The following PTPRD variants were observed in gnomAD, a reference collection of about 807,000 sequenced individuals.
PTPRD encodes the protein protein tyrosine phosphatase receptor type D, also known as receptor-type tyrosine-protein phosphatase delta.
In PTPRD, 34 loss-of-function variants were observed where a neutral mutation model predicts 214.5. The ratio of observed to expected loss-of-function variants is 0.16; its 90% confidence interval spans 0.12 to 0.21. The LOEUF (loss-of-function observed/expected upper bound fraction) is 0.21, where lower values mean the gene tolerates loss of function less well. Ranked by LOEUF, PTPRD falls within the 10% of genes least tolerant of loss-of-function variation. The pLI is 1.00. For missense variants in PTPRD, 2,545 were observed against 2,398.7 expected (o/e 1.06, Z -1.27); for synonymous variants, 1,128 against 845.7 (o/e 1.33, Z -5.79).
At chr9:9,259,545 T>C (rs1366237631) in intron 9 of PTPRD, among the ~76,000 whole-genome samples, 2 of 151,884 alleles carry the variant, frequency 1.3e-5, no homozygotes, top group Non-Finnish European at 2.9e-5. Context: ...AAATAGATGA[T>C]GCTTTATATA....
chr9:9,808,249 T>C (rs1357224556), intron 5 of PTPRD, among the ~76,000 whole-genome samples: 1 of 152,144 alleles, frequency 6.6e-6, no homozygotes, highest in African/African-American at 2.4e-5. Context: ...GATGAGCATT[T>C]CGAATTAAAT....
intron 8 of PTPRD, among the ~76,000 whole-genome samples, chr9:9,525,088 AC>A (rs1221010597): frequency 3.2e-4 from 48 of 152,150 alleles, no homozygotes; most frequent in African/African-American, 1.1e-3. Flanking sequence ...CGATCTCTTG[AC>A]CTCATGATCC....
intron 2 of PTPRD, among the ~76,000 whole-genome samples, chr9:10,585,606 T>C (rs1473587154): frequency 6.6e-6 from 1 of 152,072 alleles, no homozygotes; most frequent in African/African-American, 2.4e-5. Context: ...ATATGTAATG[T>C]TTTATACGTT....
At chr9:9,057,718 T>G (rs1305438923) in intron 10 of PTPRD, among the ~76,000 whole-genome samples, 2 of 152,256 alleles carry the variant, frequency 1.3e-5, no homozygotes, top group Non-Finnish European at 2.9e-5. Flanking sequence ...GCTGAGAATG[T>G]AGAAAACATC....
At chr9:8,995,042 C>T (rs1329997532) in intron 11 of PTPRD, among the ~76,000 whole-genome samples, 2 of 151,898 alleles carry the variant, frequency 1.3e-5, no homozygotes, top group Admixed American at 1.3e-4. Flanking sequence ...ACATAGGAGA[C>T]ATGGGGGTAG....
chr9:9,019,416 G>A (rs571489754), intron 10 of PTPRD, among the ~76,000 whole-genome samples: 5 of 152,170 alleles, frequency 3.3e-5, no homozygotes, highest in South Asian at 2.1e-4. Flanking sequence ...TATATACCTC[G>A]AAGTTTGGCT....
At chr9:10,550,712 A>G (rs944400646) in intron 2 of PTPRD, among the ~76,000 whole-genome samples, 1 of 152,112 alleles carries the variant, frequency 6.6e-6, no homozygotes, top group Non-Finnish European at 1.5e-5. Flanking sequence ...AAGCAGAAAT[A>G]CCCCATGATA....
intron 39 of PTPRD, among the ~76,000 whole-genome samples, chr9:8,355,693 C>A (rs560436568): frequency 2.0e-5 from 3 of 152,088 alleles, no homozygotes; most frequent in African/African-American, 7.2e-5. Flanking sequence ...ATGCAGTGTA[C>A]CCCAGGCATA....
intron 2 of PTPRD, among the ~76,000 whole-genome samples, chr9:10,378,739 T>A (rs1342185828): frequency 6.6e-6 from 1 of 152,102 alleles, no homozygotes; most frequent in Non-Finnish European, 1.5e-5. Context: ...TAATTTGAAG[T>A]CAGGTAATGT....
rs962325929 is a variant in PTPRD at position 10,426,538 on chromosome 9, T to C, written c.-599-85521A>G. ...TTTGTTTAAAAGCCATTGGTCCATATTCACCTCATTTCTAGATGTCTTACA... is the reference window on the plus strand; with the variant it reads ...TTTGTTTAAAAGCCATTGGTCCATACTCACCTCATTTCTAGATGTCTTACA... On this transcript the variant is annotated intron_variant, in intron 2 of 45. Coordinates refer to ENST00000381196, the MANE Select transcript of PTPRD (RefSeq NM_002839.4). Among the ~76,000 whole-genome samples the C allele has an allele frequency of 3.9e-5, 6 of 152,052 alleles. No homozygotes were observed. In the East Asian group the frequency reaches 7.8e-4, roughly 20 times the overall value.
chr9:9,036,962 A>C (rs2154380698), intron 10 of PTPRD, among the ~76,000 whole-genome samples: 1 of 152,290 alleles, frequency 6.6e-6, no homozygotes, highest in Middle Eastern at 3.4e-3. Context: ...TTAAAAATGA[A>C]AGTTAAATTG....
intron 7 of PTPRD, among the ~76,000 whole-genome samples, chr9:9,641,374 A>C (rs898658324): frequency 5.3e-5 from 8 of 152,188 alleles, no homozygotes; most frequent in African/African-American, 1.9e-4. Context: ...TTTTGCAAAA[A>C]GACCATTAGG....
chr9:8,632,619 G>A (rs2096287838), intron 14 of PTPRD, among the ~76,000 whole-genome samples: 2 of 151,878 alleles, frequency 1.3e-5, no homozygotes, highest in African/African-American at 2.4e-5. Context: ...ATACAACACA[G>A]TCTTCATCAT....
At chr9:8,612,935 A>C (rs1279928614) in intron 14 of PTPRD, among the ~76,000 whole-genome samples, 1 of 152,190 alleles carries the variant, frequency 6.6e-6, no homozygotes, top group African/African-American at 2.4e-5. Flanking sequence ...ATTGTTATGA[A>C]CTACTACCGT....
Position 8,315,644 on chromosome 9 carries a change from T to C in PTPRD, c.*2230A>G, listed in dbSNP as rs879549328. 2 of 227,780 alleles carry C rather than the reference T, an allele frequency of 8.8e-6. No individual in the cohort carries two copies. The highest frequency in any genetic ancestry group is 5.7e-5 in the Admixed American group (1 of 17,550). 14.1% of individuals were successfully genotyped at this position (227,780 alleles called of 1,614,324 possible). Reference sequence around the variant, plus strand: ...CTTTTTTTTAGTATTATATATATTTTCTTTTTTTTCTTTTTCTTTGTTTTT... The same window carrying C: ...CTTTTTTTTAGTATTATATATATTTCCTTTTTTTTCTTTTTCTTTGTTTTT... On this transcript the variant is annotated 3_prime_UTR_variant, in exon 46 of 46. Coordinates refer to ENST00000381196, the MANE Select transcript of PTPRD (RefSeq NM_002839.4).
At chr9:8,388,925 G>A (rs985453247) in intron 37 of PTPRD, among the ~76,000 whole-genome samples, 13 of 151,360 alleles carry the variant, frequency 8.6e-5, no homozygotes, top group African/African-American at 3.2e-4. Context: ...GTTTTTGAAA[G>A]AGGTTCAAGC....
chr9:10,581,506 T>A (rs755706687), intron 2 of PTPRD, among the ~76,000 whole-genome samples: 4 of 152,220 alleles, frequency 2.6e-5, no homozygotes, highest in Non-Finnish European at 4.4e-5. Context: ...AAAAAGTTCT[T>A]GAGGTAATAT....
At chr9:9,005,756 T>C (rs189400849) in intron 11 of PTPRD, among the ~76,000 whole-genome samples, 3 of 152,052 alleles carry the variant, frequency 2.0e-5, no homozygotes, top group Non-Finnish European at 4.4e-5. Context: ...AAATGAGAGA[T>C]CCTTTTTCTT....
intron 2 of PTPRD, among the ~76,000 whole-genome samples, chr9:10,450,612 A>T (rs2098835122): frequency 6.6e-6 from 1 of 152,026 alleles, no homozygotes; most frequent in African/African-American, 2.4e-5. Context: ...ATTATCCTTG[A>T]AAAGAACTGT....
Sources: allele counts gnomAD v4.1 joint callset (sites outside exome capture counted in the v4.1 genomes callset), GRCh38; gene constraint gnomAD v4.1.1; transcripts MANE v1.5; gene names NCBI Gene and HGNC (gene_info 2026-07-23, HGNC 2026-07-21).